The following PCDHGB5 variants were observed in gnomAD, a reference collection of about 807,000 sequenced individuals.
The protein encoded by PCDHGB5 is protocadherin gamma-B5.
A neutral mutation model predicts 62.9 loss-of-function variants in PCDHGB5; 48 were observed. The ratio of observed to expected loss-of-function variants is 0.76; its 90% CI spans 0.61 to 0.97. PCDHGB5 has a LOEUF of 0.97. Among genes scored for constraint, PCDHGB5 ranks in the 50% least tolerant of loss-of-function variants. The pLI, the probability that PCDHGB5 is intolerant of heterozygous loss-of-function variation, is 0.00. For missense variants in PCDHGB5, 1,118 were observed against 1,198.6 expected, an observed-to-expected ratio of 0.93 and a Z score of 0.99; for synonymous variants, 474 against 511.2, an observed-to-expected ratio of 0.93 and a Z score of 0.98.
intron 1 of PCDHGB5, among the ~76,000 whole-genome samples, chr5:141,435,539 C>T (rs75717921): frequency 1.3e-5 from 2 of 152,226 alleles, no homozygotes; most frequent in South Asian, 4.1e-4. Flanking sequence ...TCAGAATTAA[C>T]AAAATGTGTT....
intron 1 of PCDHGB5, chr5:141,412,207 C>T (rs529672287): frequency 1.1e-3 from 173 of 152,330 alleles, no homozygotes; most frequent in African/African-American, 4.1e-3. Flanking sequence ...GGTCATTTGA[C>T]ATAAACACTT....
rs186490614 is a variant in PCDHGB5 at position 141,415,986 on chromosome 5, T to A, written c.2397+15462T>A. 2.6e-4 allele frequency: 85 copies of A among 328,664 alleles called. 1 individual carries two copies. The highest frequency in any genetic ancestry group is 1.7e-3 in the African/African-American group (80 of 46,398). 20.4% of individuals were successfully genotyped at this position (328,664 alleles called of 1,614,324 possible). On this transcript the variant is annotated intron_variant, in intron 1 of 3. Transcript: ENST00000617380. ...CCAGCCCCTTAAGCAACCCTCTTGT[T>A]CTGAAGGCAGGTCTGGTAAGAATAG...
chr5:141,420,744 C>T (rs1202150921), intron 1 of PCDHGB5, among the ~76,000 whole-genome samples: 8 of 152,194 alleles, frequency 5.3e-5, no homozygotes, highest in Admixed American at 5.2e-4. Context: ...TCAATTGGAA[C>T]CAACTACAAC....
chr5:141,420,311 T>G (rs762191274), intron 1 of PCDHGB5: 1 of 1,454,814 alleles, frequency 6.9e-7, no homozygotes, highest in Non-Finnish European at 9.3e-7. Flanking sequence ...CTTTTTATAT[T>G]ACAATATGCC....
chr5:141,399,798 G>A lies in PCDHGB5; in HGVS notation c.1671G>A (p.Arg557=). The change falls in exon 1 of 4, where the codon CGG becomes CGA. Residue 557 remains arginine, a synonymous_variant. Transcript: ENST00000617380. The part of the protein sequence containing the change: ...LVGDRNDNAP[R]VLYPALGPDG... ...GCGACCGAAACGACAACGCACCGCG[G>A]GTGCTGTACCCCGCGCTGGGTCCCG... The A allele has an allele frequency of 6.2e-7, 1 of 1,613,236 alleles. No homozygotes were observed.
chr5:141,409,022 A>G (rs1258261622), intron 1 of PCDHGB5: 1 of 1,614,046 alleles, frequency 6.2e-7, no homozygotes, highest in Non-Finnish European at 8.5e-7. Flanking sequence ...TGAGGGGGTC[A>G]ATGCTGAGAT....
intron 1 of PCDHGB5, among the ~76,000 whole-genome samples, chr5:141,466,748 G>A (rs562859284): frequency 6.6e-6 from 1 of 152,238 alleles, no homozygotes; most frequent in South Asian, 2.1e-4. Context: ...TACTCTGATA[G>A]GGGCTCTTTT....
intron 1 of PCDHGB5, chr5:141,433,074 A>C: frequency 6.2e-7 from 1 of 1,614,218 alleles, no homozygotes; most frequent in East Asian, 2.2e-5. Flanking sequence ...ATCTTCCCCC[A>C]GCCCAACTAT....
At position 141,431,123 on chromosome 5, in the gene PCDHGB5, GAAGT is replaced by G. The variant is rs751548736; in HGVS notation, c.2397+30603_2397+30606del. The G allele has an allele frequency of 1.2e-6, 2 of 1,614,100 alleles. No individual in the cohort carries two copies. The highest frequency in any genetic ancestry group is 3.3e-5 in the Admixed American group (2 of 60,014). On this transcript the variant is annotated intron_variant, in intron 1 of 3. Transcript: ENST00000617380. This position sits in a 1 kb window ranked among gnomAD's most constrained non-coding sequence, Gnocchi z 4.8. ...AGTGAAAATATATGGAGTAGAAGTA[GAAGT>G]AAGGGACATTAACGACAATGCGCCT... is the stretch of plus-strand genomic sequence containing the variant.
At position 141,459,533 on chromosome 5, in the gene PCDHGB5, A is replaced by AT. The variant is rs956234847; in HGVS notation, c.2398-35266dup. Among the ~76,000 whole-genome samples the AT allele has an allele frequency of 1.2e-4, 18 of 152,018 alleles. No homozygotes were observed. In the South Asian group the frequency reaches 2.3e-3, roughly 19 times the overall value. ...CATGTACAAGTATTTTTGTAGGCAT[A>AT]TTTTTTTTATTTCTCTTGGATAAAT... is the stretch of plus-strand genomic sequence containing the variant. On this transcript the variant is annotated intron_variant, in intron 1 of 3. Transcript: ENST00000617380.
At chr5:141,428,021 C>A (rs1185050109) in intron 1 of PCDHGB5, 2 of 1,605,604 alleles carry the variant, frequency 1.2e-6, no homozygotes, top group Non-Finnish European at 1.7e-6. Flanking sequence ...TGCCACGCGC[C>A]GCAGAGTCCG....
intron 1 of PCDHGB5, among the ~76,000 whole-genome samples, chr5:141,443,654 G>A (rs2098397947): frequency 6.6e-6 from 1 of 152,150 alleles, no homozygotes; most frequent in Non-Finnish European, 1.5e-5. Context: ...TGTTAGCATA[G>A]CATTTTACTG....
At position 141,489,586 on chromosome 5, in the gene PCDHGB5, C is replaced by T; in HGVS notation, c.2398-5221C>T. 1 of 1,614,082 alleles carries T rather than the reference C, an allele frequency of 6.2e-7. No individual in the cohort carries two copies. The highest frequency in any genetic ancestry group is 8.5e-7 in the Non-Finnish European group (1 of 1,179,988). On this transcript the variant is annotated intron_variant, in intron 1 of 3. Coordinates refer to ENST00000617380, the MANE Select transcript of PCDHGB5 (RefSeq NM_018925.3). This position sits in a 1 kb window ranked among gnomAD's most constrained non-coding sequence, Gnocchi z 4.5. ...GGTGGTGACTGAACACCCCCTGGAG[C>T]TAATCCGTGTAGAGGTAGAGATCCT...
intron 1 of PCDHGB5, 79 bp from the exon 2 acceptor site, chr5:141,494,728 C>T (rs2099756337): frequency 1.2e-6 from 2 of 1,609,984 alleles, no homozygotes; most frequent in Admixed American, 3.3e-5. Context: ...TCCTTCTCTC[C>T]CGGCCCATCC....
intron 1 of PCDHGB5, chr5:141,404,785 C>T (rs1028323734): frequency 1.9e-6 from 3 of 1,613,330 alleles, no homozygotes; most frequent in Admixed American, 1.7e-5. Context: ...TATTCAAGGC[C>T]AGTGAGCCAG....
At chr5:141,427,156 T>G (rs533425641) in intron 1 of PCDHGB5, 10 of 456,890 alleles carry the variant, frequency 2.2e-5, no homozygotes, top group African/African-American at 2.0e-4. Flanking sequence ...AATATGTTTG[T>G]GCTAGACCAT....
At chr5:141,424,936 C>G (rs1160449329) in intron 1 of PCDHGB5, among the ~76,000 whole-genome samples, 1 of 152,182 alleles carries the variant, frequency 6.6e-6, no homozygotes, top group Non-Finnish European at 1.5e-5. Flanking sequence ...AGTCAACACT[C>G]TCACATCACT....
intron 1 of PCDHGB5, among the ~76,000 whole-genome samples, chr5:141,451,829 C>T (rs564970982): frequency 1.2e-4 from 18 of 151,422 alleles, no homozygotes; most frequent in African/African-American, 4.1e-4. Flanking sequence ...TACAGTGAGC[C>T]GAGATCACAC....
chr5:141,413,652 G>T, intron 1 of PCDHGB5: 4 of 1,613,780 alleles, frequency 2.5e-6, no homozygotes, highest in Non-Finnish European at 3.4e-6. Context: ...TTCCTCTCCC[G>T]GAAGCTATTG....
Sources: allele counts gnomAD v4.1 joint callset (sites outside exome capture counted in the v4.1 genomes callset), GRCh38; gene constraint gnomAD v4.1.1; non-coding constraint Gnocchi (gnomAD v3.1); transcripts MANE v1.5; gene names NCBI Gene and HGNC (gene_info 2026-07-23, HGNC 2026-07-21).